The following EVI5 variants were observed in gnomAD, a reference collection of about 807,000 sequenced individuals.
EVI5 encodes ecotropic viral integration site 5 protein homolog.
EVI5 carries 73 observed loss-of-function variants against 112.0 expected under a neutral mutation model. The observed-to-expected ratio is 0.65, with a 90% CI of 0.54 to 0.79. EVI5 has a LOEUF of 0.79. Ranked by LOEUF, EVI5 falls within the 30% of genes least tolerant of loss-of-function variation. EVI5 has a pLI of 0.00. For synonymous variants in EVI5, 305 were observed against 319.9 expected (o/e 0.95, Z 0.50); for missense variants, 900 against 968.8 (o/e 0.93, Z 0.94).
At chr1:92,637,473 A>C (rs1659118201) in intron 13 of EVI5, among the ~76,000 whole-genome samples, 1 of 152,174 alleles carries the variant, frequency 6.6e-6, no homozygotes, top group South Asian at 2.1e-4. Context: ...GGAAGCACGC[A>C]ACTTTCCCAT....
At chr1:92,607,961 C>T (rs1206593408) in intron 16 of EVI5, among the ~76,000 whole-genome samples, 1 of 151,416 alleles carries the variant, frequency 6.6e-6, no homozygotes, top group South Asian at 2.1e-4. Flanking sequence ...CCGGCTAACG[C>T]GGTGAAACCC....
At chr1:92,748,101 T>A (rs2102902424) in intron 1 of EVI5, among the ~76,000 whole-genome samples, 1 of 152,300 alleles carries the variant, frequency 6.6e-6, no homozygotes, top group Middle Eastern at 3.4e-3. Context: ...CACGGCCACA[T>A]TTCCTATCTC....
intron 19 of EVI5, 25 bp from the exon 20 acceptor site, chr1:92,513,995 TA>T (rs1215590979): frequency 7.0e-7 from 1 of 1,420,694 alleles, no homozygotes. Context: ...TCCAAGTTAA[TA>T]CAGTCAAATG....
intron 19 of EVI5, among the ~76,000 whole-genome samples, chr1:92,520,343 A>C (rs771319212): frequency 2.6e-5 from 4 of 152,178 alleles, no homozygotes; most frequent in Non-Finnish European, 5.9e-5. Context: ...GGCATACTTA[A>C]GCACCTATAA....
intron 1 of EVI5, among the ~76,000 whole-genome samples, chr1:92,776,929 A>G (rs927334388): frequency 6.6e-6 from 1 of 151,864 alleles, no homozygotes; most frequent in Admixed American, 6.6e-5. Flanking sequence ...CAGCCTCCCG[A>G]GTAGCTGGGA....
At chr1:92,788,501 C>CAAAAAA (rs200308636), upstream of EVI5, among the ~76,000 whole-genome samples, 2 of 144,526 alleles carry the variant, frequency 1.4e-5, no homozygotes, top group African/African-American at 2.7e-5. Context: ...CAAAACAAAA[C>CAAAAAA]AAAAAAAAAA....
chr1:92,663,436 G>T lies in EVI5; in HGVS notation c.1229C>A (p.Ala410Glu). 2.1e-6 allele frequency: 3 copies of T among 1,421,160 alleles called. No individual in the cohort carries two copies. Among genetic ancestry groups the T allele is most frequent in the Non-Finnish European group, 1.9e-6 (2 of 1,062,806 alleles). 88.0% of individuals were successfully genotyped at this position (1,421,160 alleles called of 1,614,324 possible). A position where few individuals can be genotyped will look rare whatever the true frequency, so the allele number is the denominator to read the frequency against. Residue 410 changes from alanine to glutamate, a missense_variant, in exon 12 of 20, where the codon GCA becomes GAA. Ala to Glu is a moderately radical substitution (Grantham distance 107, BLOSUM62 -1). Transcript: ENST00000684568. ...AAACTATACCTGTATCAATCTATCT[G>T]CCAAGGAAGCACTTTCCTACAAAAG... ...ETLEKESASL[A>E]DRLIQGQVTR...
intron 1 of EVI5, among the ~76,000 whole-genome samples, chr1:92,758,962 G>A (rs542860538): frequency 2.9e-4 from 44 of 152,276 alleles, no homozygotes; most frequent in Non-Finnish European, 5.3e-4. Flanking sequence ...TCTTAGCTGG[G>A]CGCAGTGGCT....
chr1:92,699,711 T>C (rs1460862357), intron 5 of EVI5, among the ~76,000 whole-genome samples: 3 of 152,210 alleles, frequency 2.0e-5, no homozygotes, highest in Non-Finnish European at 4.4e-5. Flanking sequence ...TACTGAATAC[T>C]GTAGGCCAAC....
chr1:92,661,873 C>T (rs1480609433), intron 13 of EVI5, among the ~76,000 whole-genome samples: 1 of 152,094 alleles, frequency 6.6e-6, no homozygotes, highest in African/African-American at 2.4e-5. Context: ...AGGATTAACA[C>T]AACTTCTTCT....
chr1:92,662,906 A>T, intron 12 of EVI5, 41 bp from the exon 13 acceptor site: 1 of 1,173,158 alleles, frequency 8.5e-7, no homozygotes, highest in Non-Finnish European at 1.1e-6. Context: ...AATTTAGGAT[A>T]GATTCAAGAA....
chr1:92,766,861 C>A lies in EVI5; in HGVS notation c.-82+17975G>T, dbSNP rs529268253. 2.0e-4 allele frequency among the ~76,000 whole-genome samples: 31 copies of A among 152,278 alleles called. No homozygotes were observed. In the East Asian group the frequency reaches 5.8e-3, roughly 28 times the overall value. ...CTTTGGGAGGCCAAAGCAGGCGGATCACTTGAGGTCAGGAGTTTGAGAACA... is the reference window on the plus strand; with the variant it reads ...CTTTGGGAGGCCAAAGCAGGCGGATAACTTGAGGTCAGGAGTTTGAGAACA... On this transcript the variant is annotated intron_variant, in intron 1 of 19. Transcript: ENST00000684568.
chr1:92,535,366 T>C (rs539080341), intron 19 of EVI5, among the ~76,000 whole-genome samples: 23 of 152,332 alleles, frequency 1.5e-4, no homozygotes, highest in Middle Eastern at 6.8e-3. Context: ...CTCAAGGATC[T>C]AGAACTAGAA....
intron 1 of EVI5, among the ~76,000 whole-genome samples, chr1:92,754,219 A>T (rs936794366): frequency 6.6e-6 from 1 of 152,162 alleles, no homozygotes. Flanking sequence ...ATCCCTTCTA[A>T]ATTTTTTACT....
chr1:92,755,165 T>C (rs1680761532), intron 1 of EVI5, among the ~76,000 whole-genome samples: 1 of 151,012 alleles, frequency 6.6e-6, no homozygotes, highest in Admixed American at 6.7e-5. Context: ...TCCTAGCACT[T>C]TGAGAGGCTG....
At chr1:92,544,014 C>T (rs958038733) in intron 19 of EVI5, among the ~76,000 whole-genome samples, 3 of 152,150 alleles carry the variant, frequency 2.0e-5, no homozygotes, top group Non-Finnish European at 4.4e-5. Context: ...AAAGCACTGA[C>T]ACATGCTACG....
intron 5 of EVI5, among the ~76,000 whole-genome samples, chr1:92,699,007 C>T (rs369439249): frequency 2.6e-5 from 4 of 152,110 alleles, no homozygotes; most frequent in African/African-American, 7.2e-5. Context: ...CATTCATTCC[C>T]GTTATACCAG....
intron 14 of EVI5, among the ~76,000 whole-genome samples, chr1:92,635,179 C>T (rs1359711825): frequency 6.6e-6 from 1 of 152,202 alleles, no homozygotes; most frequent in Non-Finnish European, 1.5e-5. Context: ...AAGCTGCGTG[C>T]TGGGAGAACC....
chr1:92,674,499 C>T (rs980344648), intron 10 of EVI5, among the ~76,000 whole-genome samples: 8 of 151,922 alleles, frequency 5.3e-5, no homozygotes, highest in African/African-American at 1.7e-4. Context: ...AACACATGGA[C>T]ACAGGGGAGG....
Sources: allele counts gnomAD v4.1 joint callset (sites outside exome capture counted in the v4.1 genomes callset), GRCh38; gene constraint gnomAD v4.1.1; transcripts MANE v1.5; gene names NCBI Gene and HGNC (gene_info 2026-07-23, HGNC 2026-07-21).